Variants in PLSCR5 observed in about 807,000 individuals in gnomAD.
PLSCR5 encodes phospholipid scramblase family member 5.
PLSCR5 carries 44 observed loss-of-function variants against 33.6 expected under a neutral mutation model. The observed-to-expected ratio is 1.31, with a 90% CI of 1.03 to 1.69. The LOEUF (loss-of-function observed/expected upper bound fraction) is 1.69. Ranked by LOEUF, PLSCR5 falls within the 40% of genes most tolerant of loss-of-function variation. The pLI, the probability that PLSCR5 is intolerant of heterozygous loss-of-function variation, is 0.00. For missense variants in PLSCR5, 375 were observed against 318.7 expected (o/e 1.18, Z -1.34); for synonymous variants, 148 against 112.3 (o/e 1.32, Z -2.01).
At position 146,594,035 on chromosome 3, in the gene PLSCR5, C is replaced by T. The variant is rs534117353; in HGVS notation, c.338G>A (p.Cys113Tyr). ...EESICFNRTF[C>Y]STLRSCTLRI... is the part of the protein sequence containing the mutation. ...CAGGGTGCAAGATCGCAGAGTGGAA[C>T]AGAAAGTACGATTGAAGCAGATGCT... Residue 113 changes from cysteine to tyrosine, a missense_variant, in exon 4 of 8, where the codon TGT (cysteine) becomes TAT (tyrosine). Coordinates refer to ENST00000443512, the MANE Select transcript of PLSCR5 (RefSeq NM_001085420.2). 3 of 1,613,732 alleles carry T rather than the reference C, an allele frequency of 1.9e-6. No individual in the cohort carries two copies. The highest frequency in any genetic ancestry group is 1.3e-5 in the African/African-American group (1 of 74,986).
chr3:146,601,383 T>C (rs930028580), intron 1 of PLSCR5, among the ~76,000 whole-genome samples: 1 of 152,130 alleles, frequency 6.6e-6, no homozygotes, highest in Non-Finnish European at 1.5e-5. Flanking sequence ...AGAATATCAG[T>C]GTTTTTACTT....
chr3:146,577,780 C>G (rs567471357), intron 7 of PLSCR5, among the ~76,000 whole-genome samples: 1 of 152,182 alleles, frequency 6.6e-6, no homozygotes, highest in Admixed American at 6.5e-5. Flanking sequence ...TCCCAGATTA[C>G]AGAAAGAACA....
At chr3:146,600,970 C>T (rs1468667247) in intron 1 of PLSCR5, among the ~76,000 whole-genome samples, 2 of 147,096 alleles carry the variant, frequency 1.4e-5, no homozygotes, top group African/African-American at 4.9e-5. Context: ...TATATATATA[C>T]TTATTTTTAT....
intron 2 of PLSCR5, among the ~76,000 whole-genome samples, chr3:146,595,289 C>A (rs2044750195): frequency 6.6e-6 from 1 of 151,736 alleles, no homozygotes; most frequent in African/African-American, 2.4e-5. Context: ...TTAGAAGAAC[C>A]TTGAAAATTC....
At chr3:146,603,647 C>G (rs1226059458) in intron 1 of PLSCR5, among the ~76,000 whole-genome samples, 1 of 152,098 alleles carries the variant, frequency 6.6e-6, no homozygotes, top group Non-Finnish European at 1.5e-5. Flanking sequence ...CTTTGAATTT[C>G]GTACTGGCTT....
rs142827732 is a variant in PLSCR5 at position 146,596,360 on chromosome 3, C to T, written c.190-1277G>A. On this transcript the variant is annotated intron_variant, in intron 2 of 7. Transcript: ENST00000443512. ...CACGCCACCATGCTCGGCTAATTTT[C>T]GTATTTTTAGTAGACACACAGGGTT... Among the ~76,000 whole-genome samples, 900 of 152,034 alleles carry T rather than the reference C, an allele frequency of 5.9e-3. 8 individuals carry two copies. Among genetic ancestry groups the T allele is most frequent in the African/African-American group, 0.02 (850 of 41,492 alleles).
Position 146,586,259 on chromosome 3 carries a change from A to G in PLSCR5, c.778-147T>C. ...TGATTTAACAGAAGAAGAAAAATTT[A>G]AAAGTCTTAAGCTTTACAACATTTT... On this transcript the variant is annotated intron_variant, in intron 6 of 7. Coordinates refer to ENST00000443512, the MANE Select transcript of PLSCR5 (RefSeq NM_001085420.2). 3 of 851,900 alleles carry G rather than the reference A, an allele frequency of 3.5e-6. No homozygotes were observed. In the South Asian group the frequency reaches 8.4e-5, roughly 24 times the overall value. 52.8% of individuals were successfully genotyped at this position (851,900 alleles called of 1,614,324 possible).
At position 146,600,432 on chromosome 3, in the gene PLSCR5, A is replaced by C; in HGVS notation, c.45T>G (p.Gly15=). Residue 15 remains glycine, a synonymous_variant, in exon 2 of 8, where the codon GGT becomes GGG. Transcript: ENST00000443512. ...DAQNQRRGLP[G]FLPGAPDPDQ... is the part of the protein sequence containing the mutation. ...CTGGGTCTGGAGCTCCAGGAAGAAAACCAGGCAGACCTCTTCTTTGGTTCT... is the reference window on the plus strand; with the variant it reads ...CTGGGTCTGGAGCTCCAGGAAGAAACCCAGGCAGACCTCTTCTTTGGTTCT... 6.2e-7 allele frequency: 1 copy of C among 1,601,604 alleles called. No homozygotes were observed. The highest frequency in any genetic ancestry group is 8.5e-7 in the Non-Finnish European group (1 of 1,172,514).
At position 146,600,395 on chromosome 3, in the gene PLSCR5, G is replaced by A. The variant is rs1282882042; in HGVS notation, c.82C>T (p.Pro28Ser). Residue 28 changes from proline (P) to serine (S), a missense_variant, in exon 2 of 8, where the codon CCT becomes TCT. Coordinates refer to ENST00000443512, the MANE Select transcript of PLSCR5 (RefSeq NM_001085420.2). Reference sequence around the variant, plus strand: ...TGGTTCCCTGGATTGGAAGAGGCAGGAAGGCTTTGGTCTGGGTCTGGAGCT... The same window carrying A: ...TGGTTCCCTGGATTGGAAGAGGCAGAAAGGCTTTGGTCTGGGTCTGGAGCT... ...PGAPDPDQSL[P>S]ASSNPGNQAW... is the part of the protein sequence containing the mutation. 1 of 1,610,168 alleles carries A rather than the reference G, an allele frequency of 6.2e-7. No individual in the cohort carries two copies. The highest frequency in any genetic ancestry group is 1.7e-5 in the Admixed American group (1 of 59,704).
intron 2 of PLSCR5, 26 bp from the exon 3 acceptor site, chr3:146,595,109 T>TA: frequency 7.5e-7 from 1 of 1,329,184 alleles, no homozygotes; most frequent in Non-Finnish European, 9.9e-7. Context: ...TAAAAGGAAA[T>TA]AAAAAGTATT....
downstream of PLSCR5, among the ~76,000 whole-genome samples, chr3:146,583,210 C>A (rs910559774): frequency 6.6e-6 from 1 of 152,154 alleles, no homozygotes; most frequent in African/African-American, 2.4e-5. Flanking sequence ...GAAACGTAAT[C>A]TGTGTTCTTG....
At chr3:146,590,153 G>A (rs1254943001) in intron 5 of PLSCR5, 2 of 165,674 alleles carry the variant, frequency 1.2e-5, no homozygotes, top group Non-Finnish European at 2.6e-5. Flanking sequence ...GCATGAAGGC[G>A]ATTTCTTTAC....
chr3:146,585,059 A>G (rs954707142), downstream of PLSCR5, among the ~76,000 whole-genome samples: 2 of 152,116 alleles, frequency 1.3e-5, no homozygotes, highest in Non-Finnish European at 2.9e-5. Flanking sequence ...GTCATTCATA[A>G]CAAATTTTCC....
At chr3:146,578,056 T>C (rs1336837717) in intron 7 of PLSCR5, among the ~76,000 whole-genome samples, 1 of 149,658 alleles carries the variant, frequency 6.7e-6, no homozygotes, top group Non-Finnish European at 1.5e-5. Flanking sequence ...GAATATAATA[T>C]AGGTGCCAAA....
intron 2 of PLSCR5, among the ~76,000 whole-genome samples, chr3:146,597,453 G>C (rs1318788705): frequency 6.6e-6 from 1 of 152,110 alleles, no homozygotes; most frequent in African/African-American, 2.4e-5. Context: ...CTAAATTTAA[G>C]GGAAATAAGT....
chr3:146,588,679 A>G (rs1319123865), intron 6 of PLSCR5, among the ~76,000 whole-genome samples: 2 of 152,178 alleles, frequency 1.3e-5, no homozygotes, highest in African/African-American at 4.8e-5. Flanking sequence ...AAAGGACATC[A>G]TTATGCAAAT....
chr3:146,592,809 G>A (rs971888823), intron 4 of PLSCR5, among the ~76,000 whole-genome samples: 1 of 151,906 alleles, frequency 6.6e-6, no homozygotes, highest in African/African-American at 2.4e-5. Flanking sequence ...TTATGACCCT[G>A]GACTACCATT....
At position 146,592,141 on chromosome 3, in the gene PLSCR5, C is replaced by T. The variant is rs575404730; in HGVS notation, c.454-260G>A. ...ATTTCCCTAAAGAGAATCTACCCCA[C>T]GACTATCTTCTGACCCTAGGACAGT... On this transcript the variant is annotated intron_variant, in intron 4 of 7. Coordinates refer to ENST00000443512, the MANE Select transcript of PLSCR5 (RefSeq NM_001085420.2). Among the ~76,000 whole-genome samples the T allele has an allele frequency of 6.6e-5, 10 of 152,170 alleles. No individual in the cohort carries two copies. In the South Asian group the frequency reaches 1.9e-3, roughly 28 times the overall value.
intron 6 of PLSCR5, among the ~76,000 whole-genome samples, chr3:146,586,853 T>A (rs77359453): frequency 0.076 from 11,632 of 152,296 alleles, 498 homozygotes; most frequent in East Asian, 0.16. Context: ...AAAAACATAA[T>A]TCTTTCTATA....
Sources: gnomAD v4.1 joint callset for allele counts (sites outside exome capture counted in the v4.1 genomes callset) on GRCh38, gnomAD v4.1.1 for gene constraint, MANE v1.5 for transcripts, NCBI Gene and HGNC (gene_info 2026-07-23, HGNC 2026-07-21) for gene names.